The following DNAJC14 variants were observed in gnomAD, a reference collection of about 807,000 sequenced individuals.
The protein encoded by DNAJC14 is dnaJ homolog subfamily C member 14.
A neutral mutation model predicts 68.8 loss-of-function variants in DNAJC14; 12 were observed. That is an observed-to-expected ratio of 0.17 (90% CI 0.11 to 0.28). The LOEUF (loss-of-function observed/expected upper bound fraction) is 0.28. DNAJC14 is among the 10% of genes least tolerant of loss of function. The probability of loss-of-function intolerance (pLI) is 1.00; values close to 1 mark genes in which losing one functional copy is unlikely to be tolerated. For synonymous variants in DNAJC14, 350 were observed against 321.5 expected (o/e 1.09, Z -0.95); for missense variants, 764 against 875.6 (o/e 0.87, Z 1.61).
chr12:55,823,701 CTTTTTTT>C (rs57733478), intron 2 of DNAJC14, among the ~76,000 whole-genome samples, 193 bp from the exon 3 acceptor site: 11,778 of 129,754 alleles, frequency 0.091, 679 homozygotes, highest in African/African-American at 0.17. Flanking sequence ...CCTTGAATAT[CTTTTTTT>C]TTTTTTTTTT....
In DNAJC14 at chr12:55,823,099, C is replaced by T; in HGVS notation, c.1605G>A (p.Met535Ile). The T allele has an allele frequency of 1.2e-6, 2 of 1,614,164 alleles. No individual in the cohort carries two copies. The highest frequency in any genetic ancestry group is 8.5e-7 in the Non-Finnish European group (1 of 1,180,048). ...QDDLKEAMNT[M>I]MCSRCQGKHR... ...GCTTTCCTTGGCATCGGCTACACAT[C>T]ATAGTATTCATTGCCTCCTTGAGGT... Residue 535 changes from methionine to isoleucine, a missense_variant, in exon 4 of 7, where the codon ATG becomes ATA. Physicochemically the swap from Met to Ile is conservative, Grantham distance 10 (BLOSUM62 1). Coordinates refer to ENST00000678005, the MANE Select transcript of DNAJC14 (RefSeq NM_032364.6).
chr12:55,823,450 G>A lies in DNAJC14; in HGVS notation c.1466C>T (p.Ala489Val). Residue 489 changes from alanine (A) to valine (V), a missense_variant, in exon 3 of 7, where the codon GCA becomes GTA. By Grantham distance (64) the Ala-to-Val change is moderately conservative. Transcript: ENST00000678005. ...RAEEAFKVLR[A>V]AWDIVSNAEK... ...AGCATTGCTGACAATGTCCCAAGCT[G>A]CTCGCAAAACCTTGAAGGCCTCCTC... The A allele has an allele frequency of 6.2e-7, 1 of 1,614,150 alleles. No individual in the cohort carries two copies. The highest frequency in any genetic ancestry group is 8.5e-7 in the Non-Finnish European group (1 of 1,180,042).
chr12:55,824,896 C>T (rs776374965), intron 2 of DNAJC14, among the ~76,000 whole-genome samples: 1 of 151,918 alleles, frequency 6.6e-6, no homozygotes, highest in Non-Finnish European at 1.5e-5. Flanking sequence ...TCTGGGAGGC[C>T]GAGGCAGGCA....
chr12:55,828,151 C>T lies in DNAJC14; in HGVS notation c.508G>A (p.Glu170Lys). Reference protein sequence around the residue: ...PALGEDELEEEYDDEESLKFP... With the variant: ...PALGEDELEEKYDDEESLKFP... The stretch of plus-strand genomic sequence containing the variant: ...TTGAGAGATTCTTCATCATCATATT[C>T]CTCTTCCAACTCATCTTCCCCCAAA... The change falls in exon 2 of 7, where the codon GAA (glutamate) becomes AAA (lysine). Residue 170 changes from glutamate to lysine, a missense_variant. Physicochemically the swap from Glu to Lys is moderately conservative, Grantham distance 56. This residue lies in a region of DNAJC14 where 514 missense variants were observed against 521.7 expected (regional missense o/e 0.99). Coordinates refer to ENST00000678005, the MANE Select transcript of DNAJC14 (RefSeq NM_032364.6). 1 of 1,611,158 alleles carries T rather than the reference C, an allele frequency of 6.2e-7. No individual in the cohort carries two copies. The highest frequency in any genetic ancestry group is 2.2e-5 in the East Asian group (1 of 44,866).
At chr12:55,824,908 A>G (rs1203046403) in intron 2 of DNAJC14, among the ~76,000 whole-genome samples, 2 of 152,110 alleles carry the variant, frequency 1.3e-5, no homozygotes, top group Non-Finnish European at 2.9e-5. Context: ...AGGCAGGCAA[A>G]TTGCTTGAGT....
chr12:55,823,549 CCT>C, intron 2 of DNAJC14, 41 bp from the exon 3 acceptor site: 1 of 1,526,344 alleles, frequency 6.6e-7, no homozygotes. Flanking sequence ...CCATTCCAAC[CCT>C]CTCCTCACCT....
Position 55,822,648 on chromosome 12 carries a change from A to G in DNAJC14, c.1719T>C (p.Phe573=). ...GGCCCAACATGCTTGACTCTGCCCA[A>G]AAGTCTCCTTCCTCAGCAGGATGCA... The part of the protein sequence containing the change: ...NRLHPAEEGD[F]WAESSMLGLK... The change falls in exon 5 of 7, where the codon TTT becomes TTC. Residue 573 remains phenylalanine (F), a synonymous_variant. Coordinates refer to ENST00000678005, the MANE Select transcript of DNAJC14 (RefSeq NM_032364.6). 1 of 1,614,164 alleles carries G rather than the reference A, an allele frequency of 6.2e-7. No homozygotes were observed. Among genetic ancestry groups the G allele is most frequent in the Non-Finnish European group, 8.5e-7 (1 of 1,180,024 alleles).
chr12:55,822,076 G>A lies in DNAJC14; in HGVS notation c.2010C>T (p.Ala670=). ...NGNFFAAPQP[A]PGAAAASKPN... ...GCTTAGAGGCTGCAGCGGCTCCAGGGGCAGGCTGAGGAGCTGCAAAGAAGT... is the reference window on the plus strand; with the variant it reads ...GCTTAGAGGCTGCAGCGGCTCCAGGAGCAGGCTGAGGAGCTGCAAAGAAGT... The change falls in exon 7 of 7, where the codon GCC becomes GCT. Residue 670 remains alanine, a synonymous_variant. Coordinates refer to ENST00000678005, the MANE Select transcript of DNAJC14 (RefSeq NM_032364.6). 2 of 1,614,114 alleles carry A rather than the reference G, an allele frequency of 1.2e-6. No homozygotes were observed. The highest frequency in any genetic ancestry group is 8.5e-7 in the Non-Finnish European group (1 of 1,180,010).
upstream of DNAJC14, chr12:55,829,788 G>C: frequency 5.3e-6 from 1 of 188,530 alleles, no homozygotes; most frequent in Non-Finnish European, 9.9e-6. Context: ...TCCGCGTGTG[G>C]GAATGGGATT....
intron 2 of DNAJC14, among the ~76,000 whole-genome samples, chr12:55,825,316 ACT>A (rs1307927418): frequency 6.6e-6 from 1 of 151,956 alleles, no homozygotes; most frequent in African/African-American, 2.4e-5. Context: ...TAATTTGCAC[ACT>A]GTGATGTTTT....
At position 55,828,579 on chromosome 12, in the gene DNAJC14, G is replaced by A; in HGVS notation, c.80C>T (p.Pro27Leu). The change falls in exon 2 of 7, where the codon CCC becomes CTC. Residue 27 changes from proline (P) to leucine (L), a missense_variant. Pro to Leu is a moderately conservative substitution (Grantham distance 98). Coordinates refer to ENST00000678005, the MANE Select transcript of DNAJC14 (RefSeq NM_032364.6). Reference sequence around the variant, plus strand: ...TGAAGGTATTTCAGGGTCCACGGAGGGTCCTAAAGTCCTGAGGGAGGCACC... The same window carrying A: ...TGAAGGTATTTCAGGGTCCACGGAGAGTCCTAAAGTCCTGAGGGAGGCACC... ...SGGASLRTLG[P>L]SVDPEIPSFS... 6.2e-7 allele frequency: 1 copy of A among 1,614,028 alleles called. No individual in the cohort carries two copies. Among genetic ancestry groups the A allele is most frequent in the Non-Finnish European group, 8.5e-7 (1 of 1,180,010 alleles).
chr12:55,829,599 C>T (rs1880916122), upstream of DNAJC14: 8 of 985,522 alleles, frequency 8.1e-6, no homozygotes, highest in East Asian at 1.1e-4. Flanking sequence ...CTTCCGCCTT[C>T]CGTCCCCGCG....
rs149569906 is a variant in DNAJC14, at chr12:55,827,510, A to G, written c.1149T>C (p.Asp383=). ...TTACCAGCCGCTGCCATGGCCTGCT[A>G]TCTCTCAGCAGAGTCAAGCAACGCT... ...ALQRCLTLLR[D]SRPWQRLVRI... is the part of the protein sequence containing the mutation. The change falls in exon 2 of 7, where the codon GAT becomes GAC. Residue 383 remains aspartate (D), a synonymous_variant. Transcript: ENST00000678005. 10 of 1,604,502 alleles carry G rather than the reference A, an allele frequency of 6.2e-6. No homozygotes were observed. Among genetic ancestry groups the G allele is most frequent in the South Asian group, 1.1e-5 (1 of 90,928 alleles).
rs765130023 is a variant in DNAJC14 at position 55,827,705 on chromosome 12, T to G, written c.954A>C (p.Gly318=). Residue 318 remains glycine (G), a synonymous_variant, in exon 2 of 7, where the codon GGA becomes GGC. Transcript: ENST00000678005. The stretch of plus-strand genomic sequence containing the variant: ...GCAGCTTAAGAAAACGAGTAAACAG[T>G]CCTACTCCACAGTAAAACCCCTGGC... ...FLSQGFYCGV[G]LFTRFLKLLG... 3.1e-6 allele frequency: 5 copies of G among 1,614,038 alleles called. No individual in the cohort carries two copies. The Admixed American group carries it at 6.7e-5, about 22-fold the overall frequency.
In DNAJC14 at chr12:55,828,191, G is replaced by A; in HGVS notation, c.468C>T (p.His156=). The change falls in exon 2 of 7, where the codon CAC becomes CAT. Residue 156 remains histidine (H), a synonymous_variant. Coordinates refer to ENST00000678005, the MANE Select transcript of DNAJC14 (RefSeq NM_032364.6). ...CTTCCCCCAAAGCTGGAGAGGTACAGTGGTGGCAAAAGTTGCTAGAAGAAC... is the reference window on the plus strand; with the variant it reads ...CTTCCCCCAAAGCTGGAGAGGTACAATGGTGGCAAAAGTTGCTAGAAGAAC... The part of the protein sequence containing the change: ...GNGSSSNFCH[H]CTSPALGEDE... The A allele has an allele frequency of 6.2e-7, 1 of 1,612,288 alleles. No homozygotes were observed. Among genetic ancestry groups the A allele is most frequent in the Non-Finnish European group, 8.5e-7 (1 of 1,179,282 alleles).
chr12:55,830,724 T>C (rs528369520), upstream of DNAJC14: 1 of 152,716 alleles, frequency 6.5e-6, no homozygotes, highest in African/African-American at 2.4e-5. Flanking sequence ...TCTCTGGTCC[T>C]GGACTAGAGC....
At chr12:55,829,651 A>C, upstream of DNAJC14, 1 of 972,924 alleles carries the variant, frequency 1.0e-6, no homozygotes, top group Non-Finnish European at 1.2e-6. Context: ...CGGGGTCACC[A>C]GGGAAGAGAC....
Position 55,821,317 on chromosome 12 carries a change from T to C in DNAJC14, c.*660A>G, listed in dbSNP as rs1324180079. On this transcript the variant is annotated 3_prime_UTR_variant, in exon 7 of 7. Coordinates refer to ENST00000678005, the MANE Select transcript of DNAJC14 (RefSeq NM_032364.6). Reference sequence around the variant, plus strand: ...ATGCTTTCTTGTTCTCTTTTAAATATTATATCAGGATAAAGGAGAGGGCTC... The same window carrying C: ...ATGCTTTCTTGTTCTCTTTTAAATACTATATCAGGATAAAGGAGAGGGCTC... The C allele has an allele frequency of 6.6e-6, 1 of 152,608 alleles. No individual in the cohort carries two copies. The highest frequency in any genetic ancestry group is 2.4e-5 in the African/African-American group (1 of 41,444). The allele number at this position is 152,608 out of a possible 1,614,324, so 9.5% of individuals were successfully genotyped here.
chr12:55,823,730 A>C (rs918120098), intron 2 of DNAJC14, among the ~76,000 whole-genome samples: 1 of 144,446 alleles, frequency 6.9e-6, no homozygotes, highest in Non-Finnish European at 1.5e-5. Flanking sequence ...TTTGAGATGA[A>C]GTCTCGCTCT....
Sources: allele counts gnomAD v4.1 joint callset (sites outside exome capture counted in the v4.1 genomes callset), GRCh38; gene constraint gnomAD v4.1.1; regional missense constraint gnomAD v4.1.1; transcripts MANE v1.5; gene names NCBI Gene and HGNC (gene_info 2026-07-23, HGNC 2026-07-21).